Variants in PRKN observed in about 807,000 individuals in gnomAD.
PRKN encodes the protein parkin RBR E3 ubiquitin protein ligase.
PRKN carries 56 observed loss-of-function variants against 59.5 expected under a neutral mutation model. The observed-to-expected ratio is 0.94, with a 90% CI of 0.76 to 1.18. The LOEUF is 1.18. Among genes scored for constraint, PRKN ranks in the 50% most tolerant of loss-of-function variants. The probability of loss-of-function intolerance (pLI) is 0.00; values close to 1 mark genes in which losing one functional copy is unlikely to be tolerated. For synonymous variants in PRKN, 250 were observed against 222.1 expected, an observed-to-expected ratio of 1.13 and a Z score of -1.12; for missense variants, 657 against 596.4, an observed-to-expected ratio of 1.10 and a Z score of -1.06.
chr6:161,618,443 C>T (rs1218736116), intron 7 of PRKN, among the ~76,000 whole-genome samples: 1 of 151,808 alleles, frequency 6.6e-6, no homozygotes, highest in Non-Finnish European at 1.5e-5. Context: ...TTTTTTTTTG[C>T]TTGCCCAAAT....
chr6:161,398,084 T>C (rs1439228822), intron 9 of PRKN, among the ~76,000 whole-genome samples: 1 of 152,132 alleles, frequency 6.6e-6, no homozygotes, highest in Non-Finnish European at 1.5e-5. Flanking sequence ...GGTTTATGGC[T>C]TTCAATGGAG....
chr6:162,209,846 C>G (rs1297185597), intron 3 of PRKN, among the ~76,000 whole-genome samples: 2 of 151,836 alleles, frequency 1.3e-5, no homozygotes, highest in Admixed American at 1.3e-4. Context: ...TCTCAGCAAA[C>G]TATCACAAGG....
chr6:162,203,278 A>G (rs1186794187), intron 3 of PRKN, among the ~76,000 whole-genome samples: 1 of 152,158 alleles, frequency 6.6e-6, no homozygotes, highest in Non-Finnish European at 1.5e-5. Context: ...AAAATACTGT[A>G]TGCCAATGTC....
chr6:161,415,433 TAGTA>T (rs1414543133), intron 9 of PRKN, among the ~76,000 whole-genome samples: 1 of 152,022 alleles, frequency 6.6e-6, no homozygotes, highest in African/African-American at 2.4e-5. Flanking sequence ...AATGGCTAAG[TAGTA>T]AGCATGTGCC....
chr6:162,582,026 A>T (rs932529933), intron 1 of PRKN, among the ~76,000 whole-genome samples: 2 of 152,234 alleles, frequency 1.3e-5, no homozygotes, highest in Admixed American at 1.3e-4. Flanking sequence ...TAAAAATTTG[A>T]ATTATTTCCA....
At chr6:161,868,789 G>GA (rs950907016) in intron 6 of PRKN, among the ~76,000 whole-genome samples, 1 of 152,020 alleles carries the variant, frequency 6.6e-6, no homozygotes, top group Non-Finnish European at 1.5e-5. Context: ...TATGAGGAGG[G>GA]AAAAAAATAT....
rs534810115 is a variant in PRKN, at chr6:162,715,644, G to C, written c.7+12018C>G. On this transcript the variant is annotated intron_variant, in intron 1 of 11. Coordinates refer to ENST00000366898, the MANE Select transcript of PRKN (RefSeq NM_004562.3). ...GACACAGCCACTTCCTACTGCCTTA[G>C]AGTTCCTAGCATTAAGATTGAGCGG... 5.9e-5 allele frequency among the ~76,000 whole-genome samples: 9 copies of C among 152,248 alleles called. No individual in the cohort carries two copies. In the South Asian group the frequency reaches 1.5e-3, roughly 25 times the overall value.
At chr6:162,523,769 C>T (rs906421983) in intron 1 of PRKN, among the ~76,000 whole-genome samples, 2 of 152,100 alleles carry the variant, frequency 1.3e-5, no homozygotes, top group Non-Finnish European at 2.9e-5. Flanking sequence ...ATAATCCCAG[C>T]ACTTCGGGAG....
At chr6:161,631,778 CACACACACACACACA>C (rs1783322214) in intron 7 of PRKN, among the ~76,000 whole-genome samples, 1 of 149,156 alleles carries the variant, frequency 6.7e-6, no homozygotes, top group Non-Finnish European at 1.5e-5. Context: ...GACAAACACA[CACACACACACACACA>C]CCCCACACAC....
chr6:162,531,031 T>TG (rs1408812190), intron 1 of PRKN, among the ~76,000 whole-genome samples: 1 of 121,928 alleles, frequency 8.2e-6, no homozygotes, highest in Non-Finnish European at 1.6e-5. Context: ...CACTCCGGCC[T>TG]GGGTAACAGA....
rs1781208297 is a variant in PRKN at position 161,578,245 on chromosome 6, T to A, written c.872-8829A>T. On this transcript the variant is annotated intron_variant, in intron 7 of 11. Coordinates refer to ENST00000366898, the MANE Select transcript of PRKN (RefSeq NM_004562.3). The surrounding 1 kb of genome is among the most constrained non-coding windows in gnomAD (Gnocchi z 4.2). ...CAGATGAGAATTGAAAGCACCTGCA[T>A]ACACACAGCCTACCTACTGGGGCTG... 6.6e-6 allele frequency among the ~76,000 whole-genome samples: 1 copy of A among 152,168 alleles called. No homozygotes were observed. The highest frequency in any genetic ancestry group is 2.4e-5 in the African/African-American group (1 of 41,444).
At chr6:162,045,868 G>T (rs7750668) in intron 5 of PRKN, among the ~76,000 whole-genome samples, 64,370 of 152,024 alleles carry the variant, frequency 0.42, 15,897 homozygotes, top group African/African-American at 0.7. Context: ...CTGCACTGAG[G>T]CTATCTCAGA....
intron 2 of PRKN, among the ~76,000 whole-genome samples, chr6:162,310,601 G>T (rs1272409192): frequency 1.3e-5 from 2 of 152,038 alleles, no homozygotes; most frequent in Non-Finnish European, 2.9e-5. Flanking sequence ...ATTGTGGGGT[G>T]GGGGGAGCGG....
intron 2 of PRKN, among the ~76,000 whole-genome samples, chr6:162,414,544 T>A (rs1351651317): frequency 6.7e-6 from 1 of 150,294 alleles, no homozygotes; most frequent in Non-Finnish European, 1.5e-5. Context: ...CTATCTCTAC[T>A]AAAATACAAA....
rs1400256149 is a variant in PRKN, at chr6:161,388,952, T to C, written c.1084-2075A>G. On this transcript the variant is annotated intron_variant, in intron 9 of 11. Coordinates refer to ENST00000366898, the MANE Select transcript of PRKN (RefSeq NM_004562.3). The surrounding 1 kb of genome is among the most constrained non-coding windows in gnomAD (Gnocchi z 4.3). Reference sequence around the variant, plus strand: ...ACACAGCAATAAATAACTGATACAGTAATAAATAAGAATATAATATGCTGA... The same window carrying C: ...ACACAGCAATAAATAACTGATACAGCAATAAATAAGAATATAATATGCTGA... 2.0e-5 allele frequency among the ~76,000 whole-genome samples: 3 copies of C among 152,204 alleles called. No individual in the cohort carries two copies. The highest frequency in any genetic ancestry group is 7.2e-5 in the African/African-American group (3 of 41,448).
chr6:162,633,089 C>T (rs1777571656), intron 1 of PRKN, among the ~76,000 whole-genome samples: 1 of 151,686 alleles, frequency 6.6e-6, no homozygotes, highest in South Asian at 2.1e-4. Context: ...GGATTCATTG[C>T]TATTCCTTAC....
chr6:162,447,807 G>C (rs1011369165), intron 1 of PRKN, among the ~76,000 whole-genome samples: 4 of 152,102 alleles, frequency 2.6e-5, no homozygotes, highest in Non-Finnish European at 4.4e-5. Context: ...TCATTCATCA[G>C]CACAGCCCCA....
At position 161,830,488 on chromosome 6, in the gene PRKN, G is replaced by A. The variant is rs560887958; in HGVS notation, c.735-44580C>T. Reference sequence around the variant, plus strand: ...AGGATGGTCTCGATCTCCTGACCTCGTGATCTGCCCGCCTCGGCCTCCCAA... The same window carrying A: ...AGGATGGTCTCGATCTCCTGACCTCATGATCTGCCCGCCTCGGCCTCCCAA... On this transcript the variant is annotated intron_variant, in intron 6 of 11. Coordinates refer to ENST00000366898, the MANE Select transcript of PRKN (RefSeq NM_004562.3). Among the ~76,000 whole-genome samples the A allele has an allele frequency of 1.2e-3, 177 of 152,132 alleles. 1 individual carries two copies. The highest frequency in any genetic ancestry group is 3.9e-3 in the African/African-American group (163 of 41,534).
intron 7 of PRKN, among the ~76,000 whole-genome samples, chr6:161,730,584 C>T (rs537603726): frequency 6.6e-6 from 1 of 151,788 alleles, no homozygotes; most frequent in South Asian, 2.1e-4. Flanking sequence ...GTGTTGCATT[C>T]TGATGTGTTG....
Sources: gnomAD v4.1 joint callset for allele counts (sites outside exome capture counted in the v4.1 genomes callset) on GRCh38, gnomAD v4.1.1 for gene constraint, Gnocchi (gnomAD v3.1) non-coding constraint, MANE v1.5 for transcripts, NCBI Gene and HGNC (gene_info 2026-07-23, HGNC 2026-07-21) for gene names.